The following C10orf143 variants were observed in gnomAD, a reference collection of about 807,000 sequenced individuals.
C10orf143 encodes uncharacterized protein C10orf143.
At chr10:130,063,375 G>A (rs143491458), downstream of C10orf143, among the ~76,000 whole-genome samples, 497 of 152,270 alleles carry the variant, frequency 3.3e-3, 6 homozygotes, top group African/African-American at 0.011. Flanking sequence ...AAGATCTTTC[G>A]TAAGGCTACA....
intron 3 of C10orf143, among the ~76,000 whole-genome samples, chr10:130,058,719 ATGTACCACGTGTC>A (rs1860822595): frequency 6.6e-6 from 1 of 152,144 alleles, no homozygotes; most frequent in Admixed American, 6.5e-5. Context: ...TCAGAGCAAA[ATGTACCACGTGTC>A]TGTGTAAGTC....
At chr10:130,101,642 G>A (rs543097597) in intron 1 of C10orf143, among the ~76,000 whole-genome samples, 5 of 151,594 alleles carry the variant, frequency 3.3e-5, no homozygotes, top group South Asian at 2.1e-4. Context: ...GGAGGCGGGC[G>A]CATCATGAGG....
At chr10:130,081,840 A>G (rs1861215049) in intron 1 of C10orf143, among the ~76,000 whole-genome samples, 1 of 2,496 alleles carries the variant, frequency 4.0e-4, no homozygotes, top group African/African-American at 5.4e-3. Context: ...CCAACATTAT[A>G]AAGATGACAG....
intron 3 of C10orf143, among the ~76,000 whole-genome samples, chr10:130,073,844 T>A (rs968960525): frequency 3.3e-5 from 5 of 152,318 alleles, no homozygotes; most frequent in Admixed American, 6.5e-5. Context: ...GAGAAAGTAC[T>A]CACTGTCAGC....
rs1322396848 is a variant in C10orf143 at position 130,056,989 on chromosome 10, G to A, written c.298-21019C>T. 6.6e-6 allele frequency among the ~76,000 whole-genome samples: 1 copy of A among 151,932 alleles called. No individual in the cohort carries two copies. The highest frequency in any genetic ancestry group is 1.5e-5 in the Non-Finnish European group (1 of 68,004). ...TGCAGCCTTGATCTCCTGGGCTCAAGTGACTCTCCCACTTCAGTCTCACTA... is the reference window on the plus strand; with the variant it reads ...TGCAGCCTTGATCTCCTGGGCTCAAATGACTCTCCCACTTCAGTCTCACTA... On this transcript the variant is annotated intron_variant and NMD_transcript_variant, in intron 3 of 5. Coordinates refer to the C10orf143 transcript ENST00000643056. The surrounding 1 kb of genome is among the most constrained non-coding windows in gnomAD (Gnocchi z 4.6).
At chr10:130,079,542 C>A (rs1861171092) in intron 3 of C10orf143, 24 bp downstream of exon 3, 1 of 399,008 alleles carries the variant, frequency 2.5e-6, no homozygotes. Flanking sequence ...TTTTATGTCA[C>A]AGCAAGAAGG....
chr10:130,099,063 G>A (rs1384720230), intron 1 of C10orf143, among the ~76,000 whole-genome samples: 4 of 147,002 alleles, frequency 2.7e-5, no homozygotes, highest in Non-Finnish European at 6.0e-5. Context: ...ACTCCAGCTT[G>A]GGCAAAAGAG....
intron 1 of C10orf143, chr10:130,108,256 T>A (rs1861696169): frequency 6.4e-7 from 1 of 1,563,142 alleles, no homozygotes; most frequent in Non-Finnish European, 8.8e-7. Context: ...CACCAGGGGA[T>A]TTCCCAGGTC....
intron 1 of C10orf143, among the ~76,000 whole-genome samples, chr10:130,089,563 C>A (rs1261416977): frequency 6.6e-6 from 1 of 152,042 alleles, no homozygotes; most frequent in Non-Finnish European, 1.5e-5. Flanking sequence ...TGCTTTCAGG[C>A]TAAGTGGAGA....
intron 3 of C10orf143, among the ~76,000 whole-genome samples, chr10:130,070,421 T>C (rs1434688655): frequency 6.6e-6 from 1 of 152,226 alleles, no homozygotes; most frequent in Non-Finnish European, 1.5e-5. Flanking sequence ...CTATTGCTAC[T>C]AATGAGAGAT....
At position 130,085,786 on chromosome 10, in the gene C10orf143, G is replaced by GAA. The variant is rs112576346; in HGVS notation, c.70-5887_70-5886dup. Among the ~76,000 whole-genome samples, 111 of 151,318 alleles carry GAA rather than the reference G, an allele frequency of 7.3e-4. 1 individual carries two copies. The highest frequency in any genetic ancestry group is 6.8e-3 in the Admixed American group (103 of 15,228). ...TTCAAAATAACAAGTTTTTTAAAAT[G>GAA]AAAAAAAAATATCTTGCATCCCTAA... On this transcript the variant is annotated intron_variant, in intron 1 of 3. Coordinates refer to ENST00000637128, the MANE Select transcript of C10orf143 (RefSeq NM_001355042.2).
rs5789010 is a variant in C10orf143, at chr10:130,071,634, A to AT, written c.298-7252dup. On this transcript the variant is annotated intron_variant, in intron 3 of 3. Coordinates refer to ENST00000637128, the MANE Select transcript of C10orf143 (RefSeq NM_001355042.2). ...CTTAATATATACAGTTATATTCTAT[A>AT]TTTTTTTTTTGAGACACAGTTTCAC... 3.9e-5 allele frequency among the ~76,000 whole-genome samples: 6 copies of AT among 152,038 alleles called. No individual in the cohort carries two copies. In the East Asian group the frequency reaches 9.7e-4, roughly 25 times the overall value.
At chr10:130,039,179 A>G (rs1021155706) in intron 3 of C10orf143, among the ~76,000 whole-genome samples, 1 of 152,204 alleles carries the variant, frequency 6.6e-6, no homozygotes, top group African/African-American at 2.4e-5. Flanking sequence ...CCATCTGTGT[A>G]TTGGCCAGTG....
rs367866865 is a variant in C10orf143 at position 130,056,631 on chromosome 10, G to A, written c.298-20661C>T. On this transcript the variant is annotated intron_variant and NMD_transcript_variant, in intron 3 of 5. Transcript: ENST00000643056. This position sits in a 1 kb window ranked among gnomAD's most constrained non-coding sequence, Gnocchi z 4.6. The stretch of plus-strand genomic sequence containing the variant: ...TTTTGAAATGGAGTCTCGCTCTGTC[G>A]CCCAGGCTGGAGTGCAGTGGCGCTC... Among the ~76,000 whole-genome samples the A allele has an allele frequency of 2.6e-5, 4 of 151,522 alleles. No individual in the cohort carries two copies. Among genetic ancestry groups the A allele is most frequent in the South Asian group, 4.2e-4 (2 of 4,758 alleles).
chr10:130,087,409 G>A (rs1183661947), intron 1 of C10orf143, among the ~76,000 whole-genome samples: 1 of 152,222 alleles, frequency 6.6e-6, no homozygotes, highest in African/African-American at 2.4e-5. Flanking sequence ...AATAGATCAA[G>A]TGACCAGCAT....
chr10:130,087,995 T>G (rs1006280482), intron 1 of C10orf143, among the ~76,000 whole-genome samples: 6 of 152,232 alleles, frequency 3.9e-5, no homozygotes, highest in African/African-American at 1.4e-4. Flanking sequence ...TGGCACACTC[T>G]TCAACATCAA....
chr10:130,067,597 C>T (rs959073487), intron 3 of C10orf143: 2 of 152,196 alleles, frequency 1.3e-5, no homozygotes, highest in African/African-American at 2.4e-5. Context: ...TTTTTTCTTC[C>T]TTTAACAGCA....
At chr10:130,092,744 C>CA (rs1289162585) in intron 1 of C10orf143, among the ~76,000 whole-genome samples, 2 of 151,340 alleles carry the variant, frequency 1.3e-5, no homozygotes, top group African/African-American at 4.9e-5. Flanking sequence ...AAACGGAAAG[C>CA]AAAAAAAGCA....
At chr10:130,085,328 C>T (rs1379717838) in intron 1 of C10orf143, among the ~76,000 whole-genome samples, 2 of 152,166 alleles carry the variant, frequency 1.3e-5, no homozygotes, top group African/African-American at 4.8e-5. Context: ...TTAACAACAG[C>T]AGTAATGGGA....
Sources: gnomAD v4.1 joint callset for allele counts (sites outside exome capture counted in the v4.1 genomes callset) on GRCh38, gnomAD v4.1.1 for gene constraint, Gnocchi (gnomAD v3.1) non-coding constraint, MANE v1.5 for transcripts, NCBI Gene and HGNC (gene_info 2026-07-23, HGNC 2026-07-21) for gene names.